FHIT: variants seen among roughly 807,000 people sequenced by gnomAD.
FHIT encodes fragile histidine triad diadenosine triphosphatase, also known as bis(5'-adenosyl)-triphosphatase.
In FHIT, 19 loss-of-function variants were observed where a neutral mutation model predicts 17.9. The observed-to-expected ratio is 1.06, with a 90% CI of 0.74 to 1.56. The LOEUF (loss-of-function observed/expected upper bound fraction) is 1.56. Among genes scored for constraint, FHIT ranks in the 40% most tolerant of loss-of-function variants. The probability of loss-of-function intolerance (pLI) is 0.00; values close to 1 mark genes in which losing one functional copy is unlikely to be tolerated. For synonymous variants in FHIT, 81 were observed against 69.7 expected (o/e 1.16, Z -0.81); for missense variants, 248 against 189.2 (o/e 1.31, Z -1.82).
At chr3:60,510,997 G>A (rs898141815) in intron 5 of FHIT, among the ~76,000 whole-genome samples, 1 of 152,052 alleles carries the variant, frequency 6.6e-6, no homozygotes, top group African/African-American at 2.4e-5. Flanking sequence ...TCTGATGATG[G>A]GGGAAATGCA....
chr3:61,053,695 TAATTTTTTTTAAGTCACCATAGCTC>T (rs747873739), intron 2 of FHIT, among the ~76,000 whole-genome samples: 68 of 151,948 alleles, frequency 4.5e-4, no homozygotes, highest in Non-Finnish European at 7.6e-4. Flanking sequence ...AGTTTCAAGT[TAATTTTTTTTAAGTCACCATAGCTC>T]ATATGGCCTT....
chr3:61,081,077 A>ATATG (rs2035122431), intron 2 of FHIT, among the ~76,000 whole-genome samples: 1 of 152,338 alleles, frequency 6.6e-6, no homozygotes, highest in African/African-American at 2.4e-5. Flanking sequence ...GATTAAAAGA[A>ATATG]TATGGGCCCT....
intron 5 of FHIT, among the ~76,000 whole-genome samples, chr3:60,033,982 G>A (rs146492304): frequency 1.4e-3 from 218 of 152,296 alleles, no homozygotes; most frequent in Middle Eastern, 0.01. Flanking sequence ...AAAATACACC[G>A]TCTCGTGAGG....
intron 1 of FHIT, among the ~76,000 whole-genome samples, chr3:61,222,719 C>T (rs906491933): frequency 1.3e-5 from 2 of 152,090 alleles, no homozygotes; most frequent in African/African-American, 4.8e-5. Flanking sequence ...AGGAGGATTA[C>T]AGTACTAGAT....
At chr3:60,409,984 G>A (rs887169256) in intron 5 of FHIT, among the ~76,000 whole-genome samples, 2 of 152,020 alleles carry the variant, frequency 1.3e-5, no homozygotes, top group Admixed American at 6.6e-5. Flanking sequence ...TGGGAAAATC[G>A]AACAAAAACA....
chr3:60,404,308 G>T (rs188891792), intron 5 of FHIT, among the ~76,000 whole-genome samples: 1 of 143,246 alleles, frequency 7.0e-6, no homozygotes, highest in Non-Finnish European at 1.6e-5. Context: ...CAAAAATTTC[G>T]AGGCTATTTA....
intron 2 of FHIT, among the ~76,000 whole-genome samples, chr3:61,083,685 C>T (rs2035218966): frequency 6.6e-6 from 1 of 152,214 alleles, no homozygotes; most frequent in African/African-American, 2.4e-5. Context: ...ACCACTCATC[C>T]ACTCTCTGTC....
chr3:60,613,759 G>C (rs1438612639), intron 4 of FHIT, among the ~76,000 whole-genome samples: 1 of 151,872 alleles, frequency 6.6e-6, no homozygotes, highest in East Asian at 2.0e-4. Flanking sequence ...TGGCCTTTAA[G>C]AGCTTATAAG....
intron 2 of FHIT, among the ~76,000 whole-genome samples, chr3:61,115,120 TG>T (rs2036263217): frequency 2.0e-5 from 3 of 152,280 alleles, no homozygotes; most frequent in Non-Finnish European, 1.5e-5. Flanking sequence ...TTCTAGGTGT[TG>T]GGGCTATAAC....
chr3:60,265,595 A>T (rs1241912409), intron 5 of FHIT, among the ~76,000 whole-genome samples: 1 of 151,996 alleles, frequency 6.6e-6, no homozygotes, highest in African/African-American at 2.4e-5. Flanking sequence ...TCAAAATGTA[A>T]AAGTTTGTAT....
intron 2 of FHIT, among the ~76,000 whole-genome samples, chr3:61,115,626 G>C (rs1019225844): frequency 3.9e-5 from 6 of 152,276 alleles, no homozygotes; most frequent in South Asian, 4.1e-4. Flanking sequence ...GAATGACTCT[G>C]AGATTTGTGG....
At chr3:60,142,636 G>A (rs1700087346) in intron 5 of FHIT, among the ~76,000 whole-genome samples, 2 of 151,736 alleles carry the variant, frequency 1.3e-5, no homozygotes, top group South Asian at 4.2e-4. Context: ...CAAGTAGCTG[G>A]GACTATAGGT....
chr3:60,233,330 A>C (rs1704598983), intron 5 of FHIT, among the ~76,000 whole-genome samples: 1 of 152,132 alleles, frequency 6.6e-6, no homozygotes, highest in Non-Finnish European at 1.5e-5. Context: ...AACAGCTGTA[A>C]CAGCCATCCC....
intron 5 of FHIT, among the ~76,000 whole-genome samples, chr3:60,181,281 G>C (rs139313759): frequency 0.18 from 27,637 of 151,620 alleles, 3,155 homozygotes; most frequent in East Asian, 0.32. Flanking sequence ...AAGTAGCTGG[G>C]ATTACAGGTG....
chr3:60,231,268 T>C (rs1704482916), intron 5 of FHIT, among the ~76,000 whole-genome samples: 1 of 152,230 alleles, frequency 6.6e-6, no homozygotes, highest in African/African-American at 2.4e-5. Flanking sequence ...AGCGCACACA[T>C]ATCCAATAGA....
At chr3:60,400,531 T>G (rs980374602) in intron 5 of FHIT, among the ~76,000 whole-genome samples, 1 of 152,098 alleles carries the variant, frequency 6.6e-6, no homozygotes, top group Admixed American at 6.6e-5. Flanking sequence ...AGTAGAGCAC[T>G]GGGGCTTGTA....
intron 5 of FHIT, among the ~76,000 whole-genome samples, chr3:60,431,204 C>T (rs1389786901): frequency 2.6e-5 from 2 of 77,626 alleles, no homozygotes; most frequent in African/African-American, 8.9e-5. Context: ...AAGCAAGATT[C>T]CATCTCAAAA....
chr3:60,698,592 C>T (rs570898841), intron 4 of FHIT, among the ~76,000 whole-genome samples: 29 of 152,246 alleles, frequency 1.9e-4, no homozygotes, highest in African/African-American at 6.7e-4. Flanking sequence ...TAACAATGGG[C>T]TCAAAACAAA....
At chr3:60,439,520 C>A (rs2030599286) in intron 5 of FHIT, among the ~76,000 whole-genome samples, 1 of 152,050 alleles carries the variant, frequency 6.6e-6, no homozygotes, top group Admixed American at 6.6e-5. Flanking sequence ...TTGGGTACGG[C>A]CTCGAAGGAT....
Sources: gnomAD v4.1 joint callset for allele counts (sites outside exome capture counted in the v4.1 genomes callset) on GRCh38, gnomAD v4.1.1 for gene constraint, MANE v1.5 for transcripts, NCBI Gene and HGNC (gene_info 2026-07-23, HGNC 2026-07-21) for gene names.